Variants in XRN1 observed in about 807,000 individuals in gnomAD.
XRN1 encodes strand-exchange protein 1 homolog.
XRN1 carries 67 observed loss-of-function variants against 222.3 expected under a neutral mutation model. That is an observed-to-expected ratio of 0.30 (90% CI 0.25 to 0.37). The LOEUF (loss-of-function observed/expected upper bound fraction) is 0.37. Ranked by LOEUF, XRN1 falls within the 10% of genes least tolerant of loss-of-function variation. The pLI is 1.00. For synonymous variants in XRN1, 643 were observed against 652.4 expected, an observed-to-expected ratio of 0.99 and a Z score of 0.22; for missense variants, 1,707 against 2,000.2, an observed-to-expected ratio of 0.85 and a Z score of 2.80.
chr3:142,347,247 G>C lies in XRN1; in HGVS notation c.3864C>G (p.Asp1288Glu), dbSNP rs369477712. ...TTTAAAACTTACATTTTCTGTGAGG[G>C]TCATGTTTTCTTTGCTGATATTTAA... ...NSVKYQQRKH[D>E]PHRKFKEECK... Residue 1288 changes from aspartate (D) to glutamate (E), a missense_variant, in exon 33 of 41, where the codon GAC (aspartate) becomes GAG (glutamate). Coordinates refer to ENST00000392981, the MANE Select transcript of XRN1 (RefSeq NM_001282857.2). 3.1e-6 allele frequency: 5 copies of C among 1,601,418 alleles called. No homozygotes were observed. In the African/African-American group the frequency reaches 5.4e-5, roughly 17 times the overall value.
intron 17 of XRN1, 43 bp downstream of exon 17, chr3:142,403,826 C>T (rs376787971): frequency 1.2e-6 from 2 of 1,611,242 alleles, no homozygotes; most frequent in African/African-American, 1.3e-5. Flanking sequence ...AATCACTTCA[C>T]ACTTAATAAA....
intron 33 of XRN1, among the ~76,000 whole-genome samples, chr3:142,338,107 T>C (rs887420845): frequency 2.6e-5 from 4 of 152,220 alleles, no homozygotes; most frequent in Non-Finnish European, 5.9e-5. Flanking sequence ...TTGCTAGGCA[T>C]GTGACTTACT....
chr3:142,447,611 T>A lies in XRN1; in HGVS notation c.75+259A>T, dbSNP rs571618000. ...TCTTTCCCAGGACTTCATTTCGGAG[T>A]CGCGGAAGGACCAGCAGAAGCAAGA... On this transcript the variant is annotated intron_variant, in intron 1 of 40. Transcript: ENST00000392981. The surrounding 1 kb of genome is among the most constrained non-coding windows in gnomAD (Gnocchi z 4.2). Among the ~76,000 whole-genome samples, 10 of 151,766 alleles carry A rather than the reference T, an allele frequency of 6.6e-5. No homozygotes were observed. In the South Asian group the frequency reaches 2.1e-3, roughly 32 times the overall value.
rs1190913751 is a variant in XRN1 at position 142,371,315 on chromosome 3, A to G, written c.2992T>C (p.Phe998Leu). 1 of 1,612,684 alleles carries G rather than the reference A, an allele frequency of 6.2e-7. No homozygotes were observed. The highest frequency in any genetic ancestry group is 8.5e-7 in the Non-Finnish European group (1 of 1,179,740). The stretch of plus-strand genomic sequence containing the variant: ...TGGCTATTTTTGGCTATATAACTAA[A>G]TAGTTCTGGAGCTCTGGTCAAACAA... ...AEYLERAPEL[F>L]SYIAKNSQED... Residue 998 changes from phenylalanine (F) to leucine (L), a missense_variant, in exon 26 of 41, where the codon TTT becomes CTT. Physicochemically the swap from Phe to Leu is conservative, Grantham distance 22. Coordinates refer to ENST00000392981, the MANE Select transcript of XRN1 (RefSeq NM_001282857.2).
chr3:142,323,288 T>C (rs2065412908), intron 37 of XRN1, among the ~76,000 whole-genome samples: 1 of 150,316 alleles, frequency 6.7e-6, no homozygotes, highest in Non-Finnish European at 1.5e-5. Context: ...TTAAGGTTTT[T>C]TTTTTGTTTT....
At chr3:142,385,606 G>A (rs1355051935) in intron 20 of XRN1, among the ~76,000 whole-genome samples, 1 of 152,150 alleles carries the variant, frequency 6.6e-6, no homozygotes, top group Non-Finnish European at 1.5e-5. Flanking sequence ...GACAGACATT[G>A]TAAAGTCTAC....
chr3:142,416,779 C>T (rs562642603), intron 13 of XRN1, among the ~76,000 whole-genome samples: 1 of 151,950 alleles, frequency 6.6e-6, no homozygotes, highest in South Asian at 2.1e-4. Flanking sequence ...TGCCTGTAAT[C>T]CTAGCACTTT....
chr3:142,315,040 TCCTCCTGCCTCAA>T (rs1289401698), intron 39 of XRN1, among the ~76,000 whole-genome samples: 1 of 142,892 alleles, frequency 7.0e-6, no homozygotes, highest in Non-Finnish European at 1.5e-5. Context: ...GCTCAACTGA[TCCTCCTGCCTCAA>T]CCTCCTGAAT....
At chr3:142,331,229 C>T (rs2065687676) in intron 36 of XRN1, among the ~76,000 whole-genome samples, 2 of 152,196 alleles carry the variant, frequency 1.3e-5, no homozygotes, top group Non-Finnish European at 2.9e-5. Context: ...TTCTTCCTGG[C>T]TGCCTTTAGT....
chr3:142,440,302 C>T (rs998950567), intron 1 of XRN1, among the ~76,000 whole-genome samples: 4 of 152,000 alleles, frequency 2.6e-5, no homozygotes, highest in South Asian at 2.1e-4. Context: ...TTTCTAATTA[C>T]GCCTGAAAGC....
intron 27 of XRN1, among the ~76,000 whole-genome samples, chr3:142,368,258 C>T (rs1447422559): frequency 1.4e-4 from 21 of 152,100 alleles, no homozygotes. Context: ...AAGTGATTCT[C>T]CTGCCTCAGC....
chr3:142,426,633 A>G, intron 3 of XRN1, 111 bp downstream of exon 3: 1 of 1,014,742 alleles, frequency 9.9e-7, no homozygotes, highest in Non-Finnish European at 1.4e-6. Context: ...AATACAGTAA[A>G]TGGAACCCTA....
At chr3:142,352,453 ATTCT>A (rs2066336170) in intron 32 of XRN1, among the ~76,000 whole-genome samples, 1 of 152,048 alleles carries the variant, frequency 6.6e-6, no homozygotes, top group African/African-American at 2.4e-5. Flanking sequence ...TTTTTTCTTT[ATTCT>A]TTAAGTTATG....
chr3:142,399,237 T>C (rs1210317674), intron 19 of XRN1, among the ~76,000 whole-genome samples: 3 of 116,000 alleles, frequency 2.6e-5, no homozygotes, highest in South Asian at 5.0e-4. Context: ...AAAACAATTC[T>C]GAAAAAAAAA....
chr3:142,338,101 T>C (rs1246170591), intron 33 of XRN1, among the ~76,000 whole-genome samples: 1 of 152,200 alleles, frequency 6.6e-6, no homozygotes, highest in African/African-American at 2.4e-5. Context: ...TTTTACTTGC[T>C]AGGCATGTGA....
At chr3:142,409,678 T>A (rs531475531) in intron 15 of XRN1, among the ~76,000 whole-genome samples, 1 of 152,320 alleles carries the variant, frequency 6.6e-6, no homozygotes, top group East Asian at 1.9e-4. Context: ...AGAATCATAT[T>A]TTCAATTATA....
chr3:142,397,357 C>T lies in XRN1; in HGVS notation c.2311G>A (p.Ala771Thr). Residue 771 changes from alanine (A) to threonine (T), a missense_variant, in exon 20 of 41, where the codon GCA (alanine) becomes ACA (threonine). Transcript: ENST00000392981. ...TCTGAAATTCCTTGTACTTCTTTTG[C>T]CCAGTTAGATTGTTCTTTATCTCCA... ...HLGDKEQSNW[A>T]KEVQGISEHY... is the part of the protein sequence containing the mutation. The T allele has an allele frequency of 6.3e-7, 1 of 1,594,396 alleles. No individual in the cohort carries two copies. The highest frequency in any genetic ancestry group is 8.5e-7 in the Non-Finnish European group (1 of 1,169,780).
intron 25 of XRN1, among the ~76,000 whole-genome samples, chr3:142,372,925 C>A (rs1379142040): frequency 1.3e-5 from 2 of 152,158 alleles, no homozygotes; most frequent in Non-Finnish European, 2.9e-5. Context: ...CAGGAAAGTC[C>A]CTCCTGATCC....
In XRN1 at chr3:142,426,577, A is replaced by T. The variant is rs1022097551; in HGVS notation, c.406+167T>A. On this transcript the variant is annotated intron_variant, in intron 3 of 40. Coordinates refer to ENST00000392981, the MANE Select transcript of XRN1 (RefSeq NM_001282857.2). ...CCCTACAGTTTTTGTAGGAGTATTTATGACCAAGGTGACCAAATCGTCTCA... is the reference window on the plus strand; with the variant it reads ...CCCTACAGTTTTTGTAGGAGTATTTTTGACCAAGGTGACCAAATCGTCTCA... The T allele has an allele frequency of 4.9e-6, 3 of 608,244 alleles. No homozygotes were observed. The African/African-American group carries it at 5.6e-5, about 11-fold the overall frequency. The allele number at this position is 608,244 out of a possible 1,614,324, so 37.7% of individuals were successfully genotyped here.
Sources: gnomAD v4.1 joint callset for allele counts (sites outside exome capture counted in the v4.1 genomes callset) on GRCh38, gnomAD v4.1.1 for gene constraint, Gnocchi (gnomAD v3.1) non-coding constraint, MANE v1.5 for transcripts, NCBI Gene and HGNC (gene_info 2026-07-23, HGNC 2026-07-21) for gene names.